ADAMTS13: variants seen among roughly 807,000 people sequenced by gnomAD.
The protein encoded by ADAMTS13 is A disintegrin and metalloproteinase with thrombospondin motifs 13.
In ADAMTS13, 110 loss-of-function variants were observed where a neutral mutation model predicts 155.1. That is an observed-to-expected ratio of 0.71 (90% CI 0.61 to 0.83). ADAMTS13 has a LOEUF of 0.83. ADAMTS13 is among the 40% of genes least tolerant of loss of function. The pLI, the probability that ADAMTS13 is intolerant of heterozygous loss-of-function variation, is 0.00. For synonymous variants in ADAMTS13, 758 were observed against 756.4 expected, an observed-to-expected ratio of 1.00 and a Z score of -0.03; for missense variants, 1,707 against 1,891.7, an observed-to-expected ratio of 0.90 and a Z score of 1.81.
At chr9:133,438,182 C>T in intron 13 of ADAMTS13, 64 bp from the exon 14 acceptor site, 1 of 1,612,926 alleles carries the variant, frequency 6.2e-7, no homozygotes, top group South Asian at 1.1e-5. Context: ...GCTGGCAGGG[C>T]TGCAGAGTCA....
At chr9:133,417,174 G>C (rs7037605), upstream of ADAMTS13, among the ~76,000 whole-genome samples, 9,208 of 152,242 alleles carry the variant, frequency 0.06, 857 homozygotes, top group African/African-American at 0.2. Context: ...ATCACGCCCG[G>C]CTAATATTTT....
chr9:133,455,180 A>T (rs1358609415), intron 24 of ADAMTS13, 105 bp from the exon 25 acceptor site: 1 of 1,304,278 alleles, frequency 7.7e-7, no homozygotes, highest in African/African-American at 1.5e-5. Flanking sequence ...ACTGCCTCCC[A>T]GCTTGTACAA....
At position 133,430,074 on chromosome 9, in the gene ADAMTS13, C is replaced by T; in HGVS notation, c.960C>T (p.Val320=). ...GCGTGGCCTTCGGCCCCAAGGCTGT[C>T]GCCTGCACCTTCGCCAGGGAGCACC... The part of the protein sequence containing the change: ...QCRVAFGPKA[V]ACTFAREHLD... The change falls in exon 8 of 29, where the codon GTC becomes GTT. Residue 320 remains valine (V), a synonymous_variant. Transcript: ENST00000355699. 2 of 1,594,190 alleles carry T rather than the reference C, an allele frequency of 1.3e-6. No individual in the cohort carries two copies. The highest frequency in any genetic ancestry group is 1.7e-6 in the Non-Finnish European group (2 of 1,176,010).
intron 11 of ADAMTS13, 73 bp downstream of exon 11, chr9:133,433,777 G>A: frequency 1.3e-6 from 2 of 1,552,424 alleles, no homozygotes; most frequent in Non-Finnish European, 8.8e-7. Flanking sequence ...GTGACCATCT[G>A]TGGTTCACAC....
At chr9:133,421,174 G>A (rs782234957), upstream of ADAMTS13, among the ~76,000 whole-genome samples, 297 of 152,356 alleles carry the variant, frequency 1.9e-3, 1 homozygote, top group Non-Finnish European at 3.2e-3. Flanking sequence ...GCTGAGGCAG[G>A]AGAATCACTT....
rs188861015 is a variant in ADAMTS13, at chr9:133,457,477, G to A, written c.3725-433G>A. Among the ~76,000 whole-genome samples, 168 of 152,202 alleles carry A rather than the reference G, an allele frequency of 1.1e-3. 1 individual carries two copies. The highest frequency in any genetic ancestry group is 3.9e-3 in the African/African-American group (162 of 41,546). On this transcript the variant is annotated intron_variant, in intron 27 of 28. Transcript: ENST00000355699. ...ACTGTCACCGTTCACATTGCTTCTC[G>A]CTTCCCGGCCCAGCCCCGCCCACAC...
At chr9:133,430,565 C>G (rs1840673934) in intron 8 of ADAMTS13, among the ~76,000 whole-genome samples, 1 of 152,212 alleles carries the variant, frequency 6.6e-6, no homozygotes, top group African/African-American at 2.4e-5. Context: ...ATAGGACATT[C>G]ATGGGCTCCA....
At position 133,441,411 on chromosome 9, in the gene ADAMTS13, C is replaced by T. The variant is rs1004802071; in HGVS notation, c.1968+886C>T. 6.6e-6 allele frequency among the ~76,000 whole-genome samples: 1 copy of T among 152,202 alleles called. No homozygotes were observed. Among genetic ancestry groups the T allele is most frequent in the African/African-American group, 2.4e-5 (1 of 41,458 alleles). On this transcript the variant is annotated intron_variant, in intron 16 of 28. Coordinates refer to ENST00000355699, the MANE Select transcript of ADAMTS13 (RefSeq NM_139027.6). The surrounding 1 kb of genome is among the most constrained non-coding windows in gnomAD (Gnocchi z 5.0). The stretch of plus-strand genomic sequence containing the variant: ...AGATGCTAGCTGCCGAGTGGCTCTC[C>T]CATCATCCTCTGCAGTGTGTAAAAA...
rs36222902 is a variant in ADAMTS13 at position 133,457,345 on chromosome 9, A to G, written c.3725-565A>G. 2.0e-5 allele frequency among the ~76,000 whole-genome samples: 3 copies of G among 152,210 alleles called. No individual in the cohort carries two copies. In the East Asian group the frequency reaches 5.8e-4, roughly 29 times the overall value. On this transcript the variant is annotated intron_variant, in intron 27 of 28. Coordinates refer to ENST00000355699, the MANE Select transcript of ADAMTS13 (RefSeq NM_139027.6). ...GTGGCAACAGGGGCTTAGCCTCTGC[A>G]GAGACCTAGTGCGCCGCCTCCTTGC...
chr9:133,435,977 C>CTTTTTT (rs781795173), intron 11 of ADAMTS13, among the ~76,000 whole-genome samples: 2 of 128,404 alleles, frequency 1.6e-5, no homozygotes, highest in Non-Finnish European at 3.3e-5. Flanking sequence ...CTTTTCTCTT[C>CTTTTTT]TTTTTTTTTT....
chr9:133,457,084 C>A (rs1412945451), intron 27 of ADAMTS13: 3 of 385,432 alleles, frequency 7.8e-6, no homozygotes, highest in Non-Finnish European at 1.5e-5. Context: ...AGCCCTGTTT[C>A]AGTGCACTGG....
At chr9:133,431,409 C>T (rs149181677) in intron 8 of ADAMTS13, among the ~76,000 whole-genome samples, 5,316 of 151,244 alleles carry the variant, frequency 0.035, 149 homozygotes, top group Non-Finnish European at 0.054. Flanking sequence ...TTACTGCAAC[C>T]TCCGCCTCCC....
In ADAMTS13 at chr9:133,443,828, G is replaced by A. The variant is rs587657173; in HGVS notation, c.2420+267G>A. On this transcript the variant is annotated intron_variant, in intron 19 of 28. Transcript: ENST00000355699. ...GGATGCCGACCTGCCTGGGGAGGGGGGGCTTCGAGGATGAGGTCAAACTGA... is the reference window on the plus strand; with the variant it reads ...GGATGCCGACCTGCCTGGGGAGGGGAGGCTTCGAGGATGAGGTCAAACTGA... Among the ~76,000 whole-genome samples, 36 of 152,240 alleles carry A rather than the reference G, an allele frequency of 2.4e-4. 1 individual carries two copies. Among genetic ancestry groups the A allele is most frequent in the Admixed American group, 2.2e-3 (33 of 15,300 alleles).
At position 133,448,701 on chromosome 9, in the gene ADAMTS13, T is replaced by C; in HGVS notation, c.2834T>C (p.Val945Ala). The change falls in exon 22 of 29, where the codon GTC (valine) becomes GCC (alanine). Residue 945 changes from valine (V) to alanine (A), a missense_variant. Val to Ala is a moderately conservative substitution (Grantham distance 64). This residue lies in a region of ADAMTS13 where 961 missense variants were observed against 1,107.9 expected (regional missense o/e 0.87). Coordinates refer to ENST00000355699, the MANE Select transcript of ADAMTS13 (RefSeq NM_139027.6). ...LASKPGSRRE[V>A]CQAVPCPARW... ...AGCAAGCCTGGGAGCCGGCGGGAGG[T>C]CTGCCAGGCTGTCCCGTGCCCTGCT... The C allele has an allele frequency of 6.2e-7, 1 of 1,603,218 alleles. No homozygotes were observed. Among genetic ancestry groups the C allele is most frequent in the Non-Finnish European group, 8.5e-7 (1 of 1,179,880 alleles).
chr9:133,441,253 C>T lies in ADAMTS13; in HGVS notation c.1968+728C>T, dbSNP rs1172448886. Among the ~76,000 whole-genome samples the T allele has an allele frequency of 6.6e-6, 1 of 152,166 alleles. No homozygotes were observed. Among genetic ancestry groups the T allele is most frequent in the African/African-American group, 2.4e-5 (1 of 41,422 alleles). ...GGAGCAGCGTCCTCTGCCCCTACAG[C>T]AGCCAGAGACAGGAGGGCCTCCCAC... On this transcript the variant is annotated intron_variant, in intron 16 of 28. Transcript: ENST00000355699. The surrounding 1 kb of genome is among the most constrained non-coding windows in gnomAD (Gnocchi z 5.0).
rs1841760911 is a variant in ADAMTS13 at position 133,442,652 on chromosome 9, AG to A, written c.2145del (p.Lys716ArgfsTer62). On this transcript the variant is annotated frameshift_variant, in exon 18 of 29. Coordinates refer to ENST00000355699, the MANE Select transcript of ADAMTS13 (RefSeq NM_139027.6). LOFTEE classifies it high-confidence loss of function. ...WVNYSCLDQA[R>X]KELVETVQCQ... is the part of the protein sequence containing the mutation. ...AAACTACAGCTGCCTGGACCAGGCC[AG>A]GAAGGAGTTGGTGGAGACTGTCCAG... 12 of 1,613,210 alleles carry A rather than the reference AG, an allele frequency of 7.4e-6. No homozygotes were observed. The highest frequency in any genetic ancestry group is 1.0e-5 in the Non-Finnish European group (12 of 1,179,996).
At chr9:133,417,600 C>G (rs782785319), upstream of ADAMTS13, 8 of 1,610,186 alleles carry the variant, frequency 5.0e-6, no homozygotes, top group Admixed American at 1.3e-4. Flanking sequence ...GCGCTCCGCC[C>G]GGGCCCCCTC....
At position 133,449,764 on chromosome 9, in the gene ADAMTS13, T is replaced by C; in HGVS notation, c.2862-19T>C. On this transcript the variant is annotated intron_variant, in intron 22 of 28. Coordinates refer to ENST00000355699, the MANE Select transcript of ADAMTS13 (RefSeq NM_139027.6). ...AGGCCCTGGGGCTGTTTGGGGTCCC[T>C]GACTCCAGTTTGCTCCAGGTGGCAG... 1 of 1,613,468 alleles carries C rather than the reference T, an allele frequency of 6.2e-7. No individual in the cohort carries two copies. Among genetic ancestry groups the C allele is most frequent in the African/African-American group, 1.3e-5 (1 of 75,062 alleles).
chr9:133,414,660 C>G, intron 1 of ADAMTS13: 1 of 1,613,778 alleles, frequency 6.2e-7, no homozygotes, highest in Non-Finnish European at 8.5e-7. Context: ...GTGGCCCATA[C>G]TTACTCGGTG....
Sources: gnomAD v4.1 joint callset for allele counts (sites outside exome capture counted in the v4.1 genomes callset) on GRCh38, gnomAD v4.1.1 for gene constraint, gnomAD v4.1.1 regional missense constraint, Gnocchi (gnomAD v3.1) non-coding constraint, MANE v1.5 for transcripts, NCBI Gene and HGNC (gene_info 2026-07-23, HGNC 2026-07-21) for gene names.